Variants in NOD1 observed in about 807,000 individuals in gnomAD.
The protein encoded by NOD1 is nucleotide-binding oligomerization domain-containing protein 1.
A neutral mutation model predicts 81.2 loss-of-function variants in NOD1; 70 were observed. The observed-to-expected ratio is 0.86, with a 90% CI of 0.71 to 1.05. The LOEUF (loss-of-function observed/expected upper bound fraction) is 1.05, where lower values mean the gene tolerates loss of function less well. NOD1 is among the 50% of genes least tolerant of loss of function. The pLI is 0.00. For missense variants in NOD1, 1,233 were observed against 1,228.0 expected, an observed-to-expected ratio of 1.00 and a Z score of -0.06; for synonymous variants, 508 against 526.9, an observed-to-expected ratio of 0.96 and a Z score of 0.49.
In NOD1 at chr7:30,446,095, C is replaced by G. The variant is rs765756395; in HGVS notation, c.2453+46G>C. ...AAAGAACAGCAAGGCCCGCCCCCCACACACACAGCAGGTTGTACCACATAC... is the reference window on the plus strand; with the variant it reads ...AAAGAACAGCAAGGCCCGCCCCCCAGACACACAGCAGGTTGTACCACATAC... On this transcript the variant is annotated intron_variant, in intron 9 of 13. Transcript: ENST00000222823. The G allele has an allele frequency of 7.0e-6, 10 of 1,435,562 alleles. No individual in the cohort carries two copies. In the African/African-American group the frequency reaches 1.3e-4, roughly 18 times the overall value. The allele number at this position is 1,435,562 out of a possible 1,614,324, so 88.9% of individuals were successfully genotyped here. A position where few individuals can be genotyped will look rare whatever the true frequency, so the allele number is the denominator to read the frequency against.
In NOD1 at chr7:30,452,305, T is replaced by C. The variant is rs929658126; in HGVS notation, c.1112A>G (p.Gln371Arg). 1.2e-6 allele frequency: 2 copies of C among 1,613,310 alleles called. No homozygotes were observed. Among genetic ancestry groups the C allele is most frequent in the African/African-American group, 2.7e-5 (2 of 74,926 alleles). ...CTCCAGCTGGCTCAGCAGGCGGTCC[T>C]GCAGGGCCCGCTCGGGGAACATCCT... ...ARRMFPERAL[Q>R]DRLLSQLEAN... is the part of the protein sequence containing the mutation. The change falls in exon 6 of 14, where the codon CAG (glutamine) becomes CGG (arginine). Residue 371 changes from glutamine (Q) to arginine (R), a missense_variant. By Grantham distance (43) the Gln-to-Arg change is conservative. Coordinates refer to ENST00000222823, the MANE Select transcript of NOD1 (RefSeq NM_006092.4).
At chr7:30,426,091 ACTT>A (rs1276595608) in intron 13 of NOD1, among the ~76,000 whole-genome samples, 1 of 151,216 alleles carries the variant, frequency 6.6e-6, no homozygotes, top group Non-Finnish European at 1.5e-5. Flanking sequence ...TGAGCACTCT[ACTT>A]CAATTTCCTT....
chr7:30,477,961 C>T (rs186770936), intron 1 of NOD1, among the ~76,000 whole-genome samples: 62 of 152,338 alleles, frequency 4.1e-4, no homozygotes, highest in African/African-American at 1.4e-3. Context: ...CAACCTCTGT[C>T]ATTTCCTATG....
At chr7:30,459,514 A>C (rs1377602628) in intron 2 of NOD1, among the ~76,000 whole-genome samples, 2 of 152,250 alleles carry the variant, frequency 1.3e-5, no homozygotes, top group Non-Finnish European at 2.9e-5. Flanking sequence ...TTTTAAAGGA[A>C]TGTAATGTCA....
chr7:30,475,848 C>T (rs1457108917), intron 1 of NOD1: 1 of 152,196 alleles, frequency 6.6e-6, no homozygotes, highest in African/African-American at 2.4e-5. Flanking sequence ...GACTACTCAC[C>T]TCTCACCACA....
chr7:30,429,587 T>C (rs1447450065), intron 12 of NOD1, 130 bp from the exon 13 acceptor site: 1 of 732,024 alleles, frequency 1.4e-6, no homozygotes, highest in Non-Finnish European at 2.4e-6. Flanking sequence ...TCCATGTGAC[T>C]TTGTATCTGG....
intron 13 of NOD1, among the ~76,000 whole-genome samples, chr7:30,428,129 A>C (rs1261709402): frequency 6.6e-6 from 1 of 152,110 alleles, no homozygotes; most frequent in Non-Finnish European, 1.5e-5. Flanking sequence ...GCTGGATTGC[A>C]GTGGCATGAT....
intron 11 of NOD1, 133 bp from the exon 12 acceptor site, chr7:30,433,312 C>T (rs1247457693): frequency 3.0e-6 from 2 of 662,082 alleles, no homozygotes; most frequent in Admixed American, 2.8e-5. Flanking sequence ...ACCCAGAAAA[C>T]AGCCAGGCTC....
Position 30,451,151 on chromosome 7 carries a change from T to C in NOD1, c.2201+65A>G. On this transcript the variant is annotated intron_variant, in intron 6 of 13. Coordinates refer to ENST00000222823, the MANE Select transcript of NOD1 (RefSeq NM_006092.4). The surrounding 1 kb of genome is among the most constrained non-coding windows in gnomAD (Gnocchi z 4.2). Reference sequence around the variant, plus strand: ...GGGGGATCCTGGTCCATGATGCCATTCCCGATGCCCTCCGAGCCTGGCCCG... The same window carrying C: ...GGGGGATCCTGGTCCATGATGCCATCCCCGATGCCCTCCGAGCCTGGCCCG... 1 of 1,543,292 alleles carries C rather than the reference T, an allele frequency of 6.5e-7. No individual in the cohort carries two copies. The highest frequency in any genetic ancestry group is 8.7e-7 in the Non-Finnish European group (1 of 1,142,906).
chr7:30,450,647 C>T (rs758977056), intron 6 of NOD1, among the ~76,000 whole-genome samples: 2 of 152,188 alleles, frequency 1.3e-5, no homozygotes, highest in Non-Finnish European at 1.5e-5. Context: ...GGCACAAGGT[C>T]TGCTTTCTCT....
Position 30,453,056 on chromosome 7 carries a change from G to A in NOD1, c.377-16C>T, listed in dbSNP as rs1479405029. On this transcript the variant is annotated splice_polypyrimidine_tract_variant and intron_variant, in intron 5 of 13. Coordinates refer to ENST00000222823, the MANE Select transcript of NOD1 (RefSeq NM_006092.4). ...TACCTGCTCACTGGAGGGAGGGGGT[G>A]GCAGGGCACAGCAGCAGGGTGAGGA... is the stretch of plus-strand genomic sequence containing the variant. 1 of 1,589,778 alleles carries A rather than the reference G, an allele frequency of 6.3e-7. No individual in the cohort carries two copies. Among genetic ancestry groups the A allele is most frequent in the Non-Finnish European group, 8.6e-7 (1 of 1,165,368 alleles).
chr7:30,454,065 C>A (rs1786084038), intron 5 of NOD1, among the ~76,000 whole-genome samples: 1 of 152,136 alleles, frequency 6.6e-6, no homozygotes, highest in African/African-American at 2.4e-5. Flanking sequence ...CAGGAAGGAG[C>A]AGACAGAGTC....
At chr7:30,448,260 A>G in intron 7 of NOD1, 38 bp downstream of exon 7, 1 of 1,456,342 alleles carries the variant, frequency 6.9e-7, no homozygotes, top group East Asian at 2.3e-5. Flanking sequence ...CTGTATTATT[A>G]CTAGGTAGTT....
Position 30,451,433 on chromosome 7 carries a change from T to C in NOD1, c.1984A>G (p.Thr662Ala). The C allele has an allele frequency of 6.2e-7, 1 of 1,613,804 alleles. No individual in the cohort carries two copies. Among genetic ancestry groups the C allele is most frequent in the Non-Finnish European group, 8.5e-7 (1 of 1,179,998 alleles). Residue 662 changes from threonine to alanine, a missense_variant, in exon 6 of 14, where the codon ACA becomes GCA. Transcript: ENST00000222823. The surrounding 1 kb of genome is among the most constrained non-coding windows in gnomAD (Gnocchi z 4.2). Reference protein sequence around the residue: ...FIWMLRCIYETQSQKVGQLAA... With the variant: ...FIWMLRCIYEAQSQKVGQLAA... ...AGCTGCCCCACCTTCTGGCTCTGTG[T>C]CTCGTAGATGCAGCGCAGCATCCAG...
chr7:30,477,906 A>C (rs1788955867), intron 1 of NOD1, among the ~76,000 whole-genome samples: 1 of 152,090 alleles, frequency 6.6e-6, no homozygotes, highest in African/African-American at 2.4e-5. Flanking sequence ...AATTTCAAAC[A>C]CCAACAACCG....
intron 7 of NOD1, chr7:30,447,262 C>G (rs1253176758): frequency 1.6e-6 from 1 of 644,574 alleles, no homozygotes; most frequent in African/African-American, 1.8e-5. Context: ...AGACAAGTCA[C>G]GTTACCTCTC....
At chr7:30,449,113 T>C (rs1374300656) in intron 6 of NOD1, among the ~76,000 whole-genome samples, 1 of 152,212 alleles carries the variant, frequency 6.6e-6, no homozygotes. Context: ...AAAACTTTAC[T>C]TAGAAACACA....
Position 30,425,635 on chromosome 7 carries a change from C to G in NOD1, c.*3G>C. Reference sequence around the variant, plus strand: ...AAAACCCCATGAACAGGAAAGCATCCTCTCAGAAACAGATAATCCGCTTCT... The same window carrying G: ...AAAACCCCATGAACAGGAAAGCATCGTCTCAGAAACAGATAATCCGCTTCT... On this transcript the variant is annotated 3_prime_UTR_variant, in exon 14 of 14. Transcript: ENST00000222823. 6.2e-7 allele frequency: 1 copy of G among 1,610,974 alleles called. No homozygotes were observed. The highest frequency in any genetic ancestry group is 8.5e-7 in the Non-Finnish European group (1 of 1,177,080).
At chr7:30,460,234 C>G (rs1335925634) in intron 1 of NOD1, 193 bp from the exon 2 acceptor site, 2 of 985,198 alleles carry the variant, frequency 2.0e-6, no homozygotes, top group South Asian at 4.7e-5. Context: ...TAAGGGTAGA[C>G]CAAAACCATA....
Sources: allele counts gnomAD v4.1 joint callset (sites outside exome capture counted in the v4.1 genomes callset), GRCh38; gene constraint gnomAD v4.1.1; non-coding constraint Gnocchi (gnomAD v3.1); transcripts MANE v1.5; gene names NCBI Gene and HGNC (gene_info 2026-07-23, HGNC 2026-07-21).